The following DCAF8L2 variants were observed in gnomAD, a reference collection of about 807,000 sequenced individuals.
DCAF8L2 encodes the protein DDB1 and CUL4 associated factor 8 like 2.
For synonymous variants in DCAF8L2, 200 were observed against 190.9 expected (o/e 1.05, Z -0.39); for missense variants, 430 against 490.7 (o/e 0.88, Z 1.17).
the DCAF8L2 span, among the ~76,000 whole-genome samples, chrX:27,567,546 C>CATATATATATAT: frequency 2.0e-4 from 6 of 29,624 alleles, no homozygotes; most frequent in East Asian, 2.8e-3. Flanking sequence ...ACCACTGTAG[C>CATATATATATAT]ATATATATAT....
the DCAF8L2 span, among the ~76,000 whole-genome samples, chrX:27,580,291 C>T: frequency 9.0e-6 from 1 of 111,238 alleles, no homozygotes; most frequent in East Asian, 2.8e-4. Flanking sequence ...TATCTGTGCC[C>T]TGGTTTCAAT....
At chrX:27,485,924 CTTTTTTTTTTTT>C in the DCAF8L2 span, among the ~76,000 whole-genome samples, 1 of 58,839 alleles carries the variant, frequency 1.7e-5, no homozygotes, top group Non-Finnish European at 3.0e-5. Context: ...TTCTTTTTCT[CTTTTTTTTTTTT>C]TTTTTTTTTG....
intron 3 of DCAF8L2, among the ~76,000 whole-genome samples, chrX:27,685,973 CAT>C (rs1212108879): frequency 9.0e-6 from 1 of 111,676 alleles, no homozygotes; most frequent in Non-Finnish European, 1.9e-5. Flanking sequence ...GTCCAACAAA[CAT>C]ATAAAAATGC....
the DCAF8L2 span, among the ~76,000 whole-genome samples, chrX:27,483,047 C>T: frequency 9.0e-6 from 1 of 111,690 alleles, no homozygotes; most frequent in Non-Finnish European, 1.9e-5. Flanking sequence ...TATAAGCTGG[C>T]AATTGCTTTT....
At position 27,747,418 on chromosome X, in the gene DCAF8L2, G is replaced by A. The variant is rs762462052; in HGVS notation, c.523G>A (p.Val175Ile). Residue 175 changes from valine (V) to isoleucine (I), a missense_variant, in exon 5 of 5, where the codon GTT becomes ATT. Physicochemically the swap from Val to Ile is conservative, Grantham distance 29. Coordinates refer to ENST00000451261, the MANE Select transcript of DCAF8L2 (RefSeq NM_001353450.2). ...LEEDQALEEW[V>I]SSETSALPRP... ...GGAGGATCAGGCGCTGGAGGAGTGG[G>A]TTTCCTCAGAGACATCTGCCCTGCC... 95 of 1,169,648 alleles carry A rather than the reference G, an allele frequency of 8.1e-5. No homozygotes were observed. Among genetic ancestry groups the A allele is most frequent in the Admixed American group, 1.3e-4 (5 of 39,156 alleles).
rs1160875749 is a variant in DCAF8L2, at chrX:27,719,319, A to G, written c.-59+3148A>G. On this transcript the variant is annotated intron_variant, in intron 4 of 4. Transcript: ENST00000451261. ...TTAATGACATAGAACACTTTTTCTT[A>G]TGATAATTGGCCATAGATCTATTTC... is the stretch of plus-strand genomic sequence containing the variant. Among the ~76,000 whole-genome samples, 8 of 111,069 alleles carry G rather than the reference A, an allele frequency of 7.2e-5. 1 individual carries two copies. Among genetic ancestry groups the G allele is most frequent in the Non-Finnish European group, 1.5e-4 (8 of 53,087 alleles).
intron 3 of DCAF8L2, among the ~76,000 whole-genome samples, chrX:27,685,583 A>C (rs1382106419): frequency 8.9e-6 from 1 of 112,022 alleles, no homozygotes; most frequent in African/African-American, 3.2e-5. Context: ...AATAAACTCT[A>C]AATGGTTTAA....
intron 1 of DCAF8L2, among the ~76,000 whole-genome samples, chrX:27,619,286 G>A (rs1369033151): frequency 1.8e-5 from 2 of 111,166 alleles, no homozygotes; most frequent in Non-Finnish European, 3.8e-5. Flanking sequence ...AAGCCTTTCA[G>A]CTTTTCCACA....
At chrX:27,537,070 A>G in the DCAF8L2 span, among the ~76,000 whole-genome samples, 1 of 112,146 alleles carries the variant, frequency 8.9e-6, no homozygotes, top group South Asian at 3.6e-4. Flanking sequence ...TGTAAATGGA[A>G]TCAATGTGAC....
chrX:27,560,405 C>T, the DCAF8L2 span, among the ~76,000 whole-genome samples: 65 of 111,744 alleles, frequency 5.8e-4, no homozygotes, highest in South Asian at 2.2e-3. Flanking sequence ...AACTTGCGCC[C>T]GCATACTAAG....
intron 3 of DCAF8L2, among the ~76,000 whole-genome samples, chrX:27,688,933 C>T (rs190995028): frequency 7.3e-4 from 81 of 111,629 alleles, no homozygotes; most frequent in Admixed American, 3.2e-3. Flanking sequence ...TATCACCCCA[C>T]TTTCTAGATA....
intron 3 of DCAF8L2, among the ~76,000 whole-genome samples, chrX:27,683,251 T>G (rs1230730205): frequency 8.9e-6 from 1 of 111,880 alleles, no homozygotes; most frequent in Non-Finnish European, 1.9e-5. Context: ...TCAAATGCCC[T>G]TCCCACTGTC....
chrX:27,627,163 C>T (rs999512453), intron 1 of DCAF8L2, among the ~76,000 whole-genome samples: 3 of 107,830 alleles, frequency 2.8e-5, no homozygotes, highest in Non-Finnish European at 5.7e-5. Flanking sequence ...ATAAGTAGTA[C>T]GAAGCTTGTG....
At chrX:27,638,686 A>C (rs1448755520) in intron 2 of DCAF8L2, among the ~76,000 whole-genome samples, 1 of 111,948 alleles carries the variant, frequency 8.9e-6, no homozygotes, top group Non-Finnish European at 1.9e-5. Context: ...TTTTCAATTC[A>C]CAAGTGGCTT....
At chrX:27,610,688 C>T (rs954935994) in intron 1 of DCAF8L2, among the ~76,000 whole-genome samples, 18 of 111,931 alleles carry the variant, frequency 1.6e-4, no homozygotes, top group African/African-American at 5.5e-4. Context: ...ACTAACGCAT[C>T]TGGAAAGAAT....
chrX:27,476,965 A>G, the DCAF8L2 span, among the ~76,000 whole-genome samples: 548 of 112,330 alleles, frequency 4.9e-3, 9 homozygotes, highest in African/African-American at 0.017. Flanking sequence ...CTTCTACTGC[A>G]TACAGTGTTA....
the DCAF8L2 span, among the ~76,000 whole-genome samples, chrX:27,485,668 A>G: frequency 9.0e-6 from 1 of 111,523 alleles, no homozygotes; most frequent in African/African-American, 3.3e-5. Flanking sequence ...TAATCTTTCT[A>G]CACGAATAAT....
At chrX:27,494,489 A>C in the DCAF8L2 span, among the ~76,000 whole-genome samples, 1 of 112,458 alleles carries the variant, frequency 8.9e-6, no homozygotes, top group East Asian at 2.8e-4. Context: ...TAATAGTTTA[A>C]TATCTTAAGA....
At chrX:27,728,951 C>T (rs1167477832) in intron 4 of DCAF8L2, among the ~76,000 whole-genome samples, 1 of 111,778 alleles carries the variant, frequency 8.9e-6, no homozygotes, top group Non-Finnish European at 1.9e-5. Context: ...AACTGCCTGA[C>T]ATTTAGTAAG....
Sources: gnomAD v4.1 joint callset for allele counts (sites outside exome capture counted in the v4.1 genomes callset) on GRCh38, gnomAD v4.1.1 for gene constraint, MANE v1.5 for transcripts, NCBI Gene and HGNC (gene_info 2026-07-23, HGNC 2026-07-21) for gene names.